The following CCNC variants were observed in gnomAD, a reference collection of about 807,000 sequenced individuals.
CCNC encodes the protein cyclin C, also known as cyclin-C.
In CCNC, 19 loss-of-function variants were observed where a neutral mutation model predicts 50.0. The ratio of observed to expected loss-of-function variants is 0.38; its 90% CI spans 0.27 to 0.56. The LOEUF (loss-of-function observed/expected upper bound fraction) is 0.56, where lower values mean the gene tolerates loss of function less well. Ranked by LOEUF, CCNC falls within the 20% of genes least tolerant of loss-of-function variation. The pLI, the probability that CCNC is intolerant of heterozygous loss-of-function variation, is 0.72. For synonymous variants in CCNC, 93 were observed against 103.7 expected, an observed-to-expected ratio of 0.90 and a Z score of 0.63; for missense variants, 200 against 327.1, an observed-to-expected ratio of 0.61 and a Z score of 3.00.
At chr6:99,561,260 G>A in intron 4 of CCNC, 107 bp downstream of exon 4, 1 of 767,050 alleles carries the variant, frequency 1.3e-6, no homozygotes, top group South Asian at 1.5e-5. Flanking sequence ...TTAGTATTTT[G>A]CATAAATTAC....
intron 11 of CCNC, chr6:99,544,375 T>G (rs985292508): frequency 1.1e-6 from 1 of 950,346 alleles, no homozygotes; most frequent in Non-Finnish European, 1.6e-6. Flanking sequence ...AACTTATGAG[T>G]AGCAATCCAT....
chr6:99,551,924 T>A, intron 5 of CCNC, 29 bp from the exon 6 acceptor site: 1 of 1,340,394 alleles, frequency 7.5e-7, no homozygotes, highest in Non-Finnish European at 1.0e-6. Context: ...AAATTTAAAC[T>A]GAGAAAATGG....
intron 5 of CCNC, among the ~76,000 whole-genome samples, chr6:99,556,490 A>G (rs1335138490): frequency 6.6e-6 from 1 of 152,170 alleles, no homozygotes. Context: ...TTACCTTCCT[A>G]ATGCACAATG....
At chr6:99,550,936 C>G in intron 7 of CCNC, 57 bp downstream of exon 7, 1 of 873,128 alleles carries the variant, frequency 1.1e-6, no homozygotes, top group Non-Finnish European at 1.7e-6. Flanking sequence ...TAAATAATTT[C>G]CAACTTCATT....
chr6:99,543,640 A>G, intron 11 of CCNC, 31 bp from the exon 12 acceptor site: 3 of 1,611,360 alleles, frequency 1.9e-6, no homozygotes, highest in East Asian at 2.2e-5. Flanking sequence ...GAGATTTTAT[A>G]CCAATTAAAA....
chr6:99,558,303 CTT>C (rs772598714), intron 5 of CCNC, 192 bp downstream of exon 5: 12 of 696,838 alleles, frequency 1.7e-5, no homozygotes, highest in Non-Finnish European at 2.3e-5. Flanking sequence ...AAAGTAATAT[CTT>C]TATATCTTTT....
intron 5 of CCNC, among the ~76,000 whole-genome samples, chr6:99,555,213 A>T (rs1409392629): frequency 6.6e-6 from 1 of 152,282 alleles, no homozygotes; most frequent in East Asian, 1.9e-4. Flanking sequence ...TTCCAAAGCT[A>T]CTTATGTCAA....
intron 1 of CCNC, among the ~76,000 whole-genome samples, chr6:99,566,335 ATCTC>A (rs1393959683): frequency 6.6e-6 from 1 of 151,940 alleles, no homozygotes; most frequent in Non-Finnish European, 1.5e-5. Flanking sequence ...TATTTCTATT[ATCTC>A]TCAATTATTC....
At chr6:99,566,514 T>G (rs985729564) in intron 1 of CCNC, among the ~76,000 whole-genome samples, 21 of 152,174 alleles carry the variant, frequency 1.4e-4, no homozygotes, top group Non-Finnish European at 2.8e-4. Context: ...TACTTGTTCA[T>G]TAATGCATTC....
At chr6:99,563,001 T>A in intron 1 of CCNC, 53 bp from the exon 2 acceptor site, 1 of 1,102,594 alleles carries the variant, frequency 9.1e-7, no homozygotes, top group Non-Finnish European at 1.4e-6. Context: ...GGAAACACTC[T>A]AAGATTGAAC....
At chr6:99,558,465 A>G (rs1562492760) in intron 5 of CCNC, 32 bp downstream of exon 5, 7 of 1,607,948 alleles carry the variant, frequency 4.4e-6, no homozygotes, top group Non-Finnish European at 5.9e-6. Context: ...TTAGAATTAC[A>G]TCCTTAAAGC....
rs560989767 is a variant in CCNC, at chr6:99,561,727, T to C, written c.140-46A>G. The C allele has an allele frequency of 1.4e-5, 16 of 1,154,758 alleles. 1 individual carries two copies. In the East Asian group the frequency reaches 3.5e-4, roughly 25 times the overall value. 71.5% of individuals were successfully genotyped at this position (1,154,758 alleles called of 1,614,324 possible). On this transcript the variant is annotated intron_variant, in intron 2 of 11. Coordinates refer to ENST00000520429, the MANE Select transcript of CCNC (RefSeq NM_005190.4). ...TTTTAAATGTATCTTCTGGTATCATTATAATATTAACATTGAACAGTAACT... is the reference window on the plus strand; with the variant it reads ...TTTTAAATGTATCTTCTGGTATCATCATAATATTAACATTGAACAGTAACT...
chr6:99,566,188 TCTA>T (rs1321659916), intron 1 of CCNC, among the ~76,000 whole-genome samples: 1 of 152,016 alleles, frequency 6.6e-6, no homozygotes, highest in Non-Finnish European at 1.5e-5. Context: ...AGTAGTTTGG[TCTA>T]CTGTTTTTAT....
At chr6:99,550,334 A>G in intron 7 of CCNC, 25 bp from the exon 8 acceptor site, 26 of 1,506,840 alleles carry the variant, frequency 1.7e-5, no homozygotes, top group Non-Finnish European at 2.4e-5. Context: ...AAAAATGTGT[A>G]TGTATAAAAA....
intron 5 of CCNC, chr6:99,557,112 T>A (rs546137689): frequency 1.3e-5 from 2 of 152,344 alleles, no homozygotes; most frequent in East Asian, 3.9e-4. Flanking sequence ...GTCTATCTCT[T>A]GCATTTCCCC....
At chr6:99,548,536 G>A (rs1327019752) in intron 9 of CCNC, among the ~76,000 whole-genome samples, 1 of 151,714 alleles carries the variant, frequency 6.6e-6, no homozygotes, top group Non-Finnish European at 1.5e-5. Context: ...AGAAGGGGCT[G>A]GGGTGCAGTG....
At chr6:99,543,930 T>G in intron 11 of CCNC, 3 of 1,258,686 alleles carry the variant, frequency 2.4e-6, no homozygotes, top group Non-Finnish European at 3.0e-6. Flanking sequence ...AGATTACAGC[T>G]TCTTCTAAAC....
At chr6:99,543,647 A>G (rs764601654) in intron 11 of CCNC, 38 bp from the exon 12 acceptor site, 1 of 1,610,408 alleles carries the variant, frequency 6.2e-7, no homozygotes, top group African/African-American at 1.3e-5. Flanking sequence ...TATACCAATT[A>G]AAAGATCCAT....
chr6:99,562,977 C>A (rs1431539932), intron 1 of CCNC, 29 bp from the exon 2 acceptor site: 3 of 1,380,568 alleles, frequency 2.2e-6, no homozygotes, highest in Non-Finnish European at 2.0e-6. Flanking sequence ...AGAAAATCAA[C>A]AAGCAAGGTC....
Sources: allele counts gnomAD v4.1 joint callset (sites outside exome capture counted in the v4.1 genomes callset), GRCh38; gene constraint gnomAD v4.1.1; transcripts MANE v1.5; gene names NCBI Gene and HGNC (gene_info 2026-07-23, HGNC 2026-07-21).